The following PRMT2 variants were observed in gnomAD, a reference collection of about 807,000 sequenced individuals.
The protein encoded by PRMT2 is protein arginine N-methyltransferase 2.
A neutral mutation model predicts 57.6 loss-of-function variants in PRMT2; 26 were observed. That is an observed-to-expected ratio of 0.45 (90% CI 0.33 to 0.63). PRMT2 has a LOEUF of 0.63. PRMT2 is among the 20% of genes least tolerant of loss of function. The pLI is 0.02. For synonymous variants in PRMT2, 219 were observed against 220.0 expected (o/e 1.00, Z 0.04); for missense variants, 472 against 564.4 (o/e 0.84, Z 1.66).
chr21:46,653,860 G>A, intron 7 of PRMT2: 1 of 1,024,862 alleles, frequency 9.8e-7, no homozygotes, highest in Non-Finnish European at 1.2e-6. Context: ...CTCCAACCAA[G>A]GTCTCTTCAC....
intron 7 of PRMT2, among the ~76,000 whole-genome samples, chr21:46,651,630 AG>A (rs1396883581): frequency 6.6e-6 from 1 of 152,032 alleles, no homozygotes; most frequent in Non-Finnish European, 1.5e-5. Context: ...AGGGAGACTG[AG>A]GGACCACCAC....
chr21:46,663,373 T>C lies in PRMT2; in HGVS notation c.1098-10T>C. ...TCAGCCTCCAGGTCACACGCACCCC[T>C]GTCTTGCAGCACCACACACTGGAAG... On this transcript the variant is annotated splice_polypyrimidine_tract_variant and intron_variant, in intron 10 of 11. Coordinates refer to ENST00000355680, the MANE Select transcript of PRMT2 (RefSeq NM_206962.4). The C allele has an allele frequency of 1.9e-6, 3 of 1,606,420 alleles. No homozygotes were observed. The highest frequency in any genetic ancestry group is 2.6e-6 in the Non-Finnish European group (3 of 1,174,258).
intron 5 of PRMT2, among the ~76,000 whole-genome samples, chr21:46,646,127 G>A (rs969862131): frequency 3.3e-5 from 5 of 152,208 alleles, no homozygotes; most frequent in Admixed American, 2.0e-4. Flanking sequence ...TGGGACCAGC[G>A]TGGCTGAGTC....
At chr21:46,661,977 G>GCGCGGAGATGGGGGA in intron 10 of PRMT2, 41 bp downstream of exon 10, 2 of 988,984 alleles carry the variant, frequency 2.0e-6, no homozygotes, top group Non-Finnish European at 2.5e-6. Flanking sequence ...GGGGTGGGGG[G>GCGCGGAGATGGGGGA]CAGGGGAGTA....
At chr21:46,651,923 G>C (rs777359132) in intron 7 of PRMT2, 3 of 1,613,174 alleles carry the variant, frequency 1.9e-6, no homozygotes, top group Non-Finnish European at 2.5e-6. Flanking sequence ...CCCTCTTCAT[G>C]TCCTCCTTGC....
chr21:46,663,623 G>T, intron 11 of PRMT2, 69 bp downstream of exon 11: 1 of 1,523,926 alleles, frequency 6.6e-7, no homozygotes, highest in South Asian at 1.2e-5. Flanking sequence ...CTGGGTGGTG[G>T]TAGTGATGGC....
chr21:46,651,979 T>C (rs75296610), intron 7 of PRMT2: 6 of 1,613,240 alleles, frequency 3.7e-6, no homozygotes, highest in South Asian at 3.3e-5. Flanking sequence ...CAGGCCTTCA[T>C]CTCTCCTGGC....
chr21:46,651,665 C>A, intron 7 of PRMT2: 2 of 951,342 alleles, frequency 2.1e-6, no homozygotes, highest in Non-Finnish European at 1.6e-6. Flanking sequence ...GCCAAGGAGG[C>A]CCAGAACAGG....
chr21:46,644,081 T>C (rs1410733387), intron 4 of PRMT2, among the ~76,000 whole-genome samples: 1 of 152,198 alleles, frequency 6.6e-6, no homozygotes, highest in Non-Finnish European at 1.5e-5. Flanking sequence ...TTACTCCTTC[T>C]TTTAAAAAAT....
intron 7 of PRMT2, chr21:46,653,773 C>A: frequency 8.7e-7 from 1 of 1,146,608 alleles, no homozygotes; most frequent in Non-Finnish European, 1.1e-6. Context: ...TTGCCTCATA[C>A]AAAGTACAGA....
At position 46,648,317 on chromosome 21, in the gene PRMT2, T is replaced by C; in HGVS notation, c.328-141T>C. 1.3e-6 allele frequency: 1 copy of C among 762,942 alleles called. No individual in the cohort carries two copies. 47.3% of individuals were successfully genotyped at this position (762,942 alleles called of 1,614,324 possible). A position where few individuals can be genotyped will look rare whatever the true frequency, so the allele number is the denominator to read the frequency against. On this transcript the variant is annotated intron_variant, in intron 5 of 11. Coordinates refer to ENST00000355680, the MANE Select transcript of PRMT2 (RefSeq NM_206962.4). The surrounding 1 kb of genome is among the most constrained non-coding windows in gnomAD (Gnocchi z 4.8). The stretch of plus-strand genomic sequence containing the variant: ...CCAATGAGATTAACTTGGTTGACAG[T>C]GATGTCCAGGCCTTCCATAGTCTTC...
At chr21:46,642,461 G>A (rs543753436) in intron 3 of PRMT2, among the ~76,000 whole-genome samples, 21 of 152,304 alleles carry the variant, frequency 1.4e-4, no homozygotes, top group Non-Finnish European at 2.9e-4. Flanking sequence ...TATGTTACGT[G>A]TCCACTTTTT....
At chr21:46,663,653 G>C in intron 11 of PRMT2, 99 bp downstream of exon 11, 1 of 1,248,242 alleles carries the variant, frequency 8.0e-7, no homozygotes, top group South Asian at 1.4e-5. Context: ...CCCACACTGG[G>C]GTCCACGCCT....
At position 46,664,696 on chromosome 21, in the gene PRMT2, A is replaced by T; in HGVS notation, c.*369A>T. 3.6e-6 allele frequency: 1 copy of T among 275,392 alleles called. No homozygotes were observed. The highest frequency in any genetic ancestry group is 7.1e-6 in the Non-Finnish European group (1 of 141,724). 17.1% of individuals were successfully genotyped at this position (275,392 alleles called of 1,614,324 possible). A position where few individuals can be genotyped will look rare whatever the true frequency, so the allele number is the denominator to read the frequency against. On this transcript the variant is annotated 3_prime_UTR_variant, in exon 12 of 12. Transcript: ENST00000355680. Reference sequence around the variant, plus strand: ...CATATCAGCCCGTGTACCCTGTGACAGTGACTGTCCCCACCTCCTATGTTA... The same window carrying T: ...CATATCAGCCCGTGTACCCTGTGACTGTGACTGTCCCCACCTCCTATGTTA...
intron 7 of PRMT2, among the ~76,000 whole-genome samples, chr21:46,656,105 G>A (rs951163360): frequency 2.0e-5 from 3 of 152,264 alleles, no homozygotes; most frequent in South Asian, 2.1e-4. Context: ...GCCCTTCCTC[G>A]TGGGTAGATA....
chr21:46,664,022 G>C (rs1439130336), intron 11 of PRMT2, among the ~76,000 whole-genome samples: 1 of 152,160 alleles, frequency 6.6e-6, no homozygotes, highest in African/African-American at 2.4e-5. Flanking sequence ...CAGCTCACTT[G>C]GGCTTCCTGT....
intron 10 of PRMT2, among the ~76,000 whole-genome samples, chr21:46,663,066 G>A (rs1289456777): frequency 6.6e-6 from 1 of 152,218 alleles, no homozygotes; most frequent in Non-Finnish European, 1.5e-5. Flanking sequence ...CCCAGGGTGA[G>A]CCGTCCACAC....
At chr21:46,652,854 G>C in intron 7 of PRMT2, 2 of 1,297,342 alleles carry the variant, frequency 1.5e-6, no homozygotes, top group Non-Finnish European at 2.0e-6. Flanking sequence ...GTTGTTACAG[G>C]ATCTTGCTTG....
rs975867250 is a variant in PRMT2 at position 46,648,137 on chromosome 21, T to G, written c.328-321T>G. Among the ~76,000 whole-genome samples, 2 of 152,224 alleles carry G rather than the reference T, an allele frequency of 1.3e-5. No homozygotes were observed. The highest frequency in any genetic ancestry group is 4.8e-5 in the African/African-American group (2 of 41,454). On this transcript the variant is annotated intron_variant, in intron 5 of 11. Transcript: ENST00000355680. This position sits in a 1 kb window ranked among gnomAD's most constrained non-coding sequence, Gnocchi z 4.8. ...ATAACATTGACTCTCAGTCTCTGAT[T>G]ACTTAAGCTTTGTTTAATATCTCTT... is the stretch of plus-strand genomic sequence containing the variant.
Sources: gnomAD v4.1 joint callset for allele counts (sites outside exome capture counted in the v4.1 genomes callset) on GRCh38, gnomAD v4.1.1 for gene constraint, Gnocchi (gnomAD v3.1) non-coding constraint, MANE v1.5 for transcripts, NCBI Gene and HGNC (gene_info 2026-07-23, HGNC 2026-07-21) for gene names.